SMARCD1: variants seen among roughly 807,000 people sequenced by gnomAD.
SMARCD1 encodes SWI/SNF-related matrix-associated actin-dependent regulator of chromatin subfamily D member 1.
In SMARCD1, 16 loss-of-function variants were observed where a neutral mutation model predicts 70.8. The ratio of observed to expected loss-of-function variants is 0.23; its 90% CI spans 0.15 to 0.34. SMARCD1 has a LOEUF of 0.34. Ranked by LOEUF, SMARCD1 falls within the 10% of genes least tolerant of loss-of-function variation. The pLI is 1.00. For missense variants in SMARCD1, 409 were observed against 655.5 expected (o/e 0.62, Z 4.11); for synonymous variants, 249 against 246.0 (o/e 1.01, Z -0.11).
chr12:50,086,859 C>A lies in SMARCD1; in HGVS notation c.512C>A (p.Ala171Asp), dbSNP rs1196764647. Residue 171 changes from alanine to aspartate, a missense_variant, in exon 4 of 13, where the codon GCC becomes GAC. By Grantham distance (126) the Ala-to-Asp change is moderately radical. This residue lies in a region of SMARCD1 where 269 missense variants were observed against 498.6 expected (regional missense o/e 0.54). Coordinates refer to ENST00000394963, the MANE Select transcript of SMARCD1 (RefSeq NM_003076.5). ...IMRKRLDIQE[A>D]LKRPIKQKRK... ...AGGAAACGGCTAGATATCCAAGAGG[C>A]CTTGAAACGTCCCATCAAGGTAACA... The A allele has an allele frequency of 1.9e-6, 3 of 1,614,112 alleles. No individual in the cohort carries two copies. Among genetic ancestry groups the A allele is most frequent in the Non-Finnish European group, 2.5e-6 (3 of 1,180,008 alleles).
intron 4 of SMARCD1, 111 bp from the exon 5 acceptor site, chr12:50,087,252 G>T (rs144686631): frequency 8.4e-6 from 11 of 1,311,758 alleles, no homozygotes; most frequent in Non-Finnish European, 1.2e-5. Context: ...CAAGGGACTG[G>T]GTAGACAGTA....
rs1420942255 is a variant in SMARCD1 at position 50,090,824 on chromosome 12, T to TTG, written c.1133+235_1133+236insGT. Among the ~76,000 whole-genome samples, 36 of 128,198 alleles carry TTG rather than the reference T, an allele frequency of 2.8e-4. 1 individual carries two copies. The highest frequency in any genetic ancestry group is 9.9e-4 in the African/African-American group (34 of 34,390). The allele number at this position is 128,198 out of a possible 152,430, so 84.1% of individuals were successfully genotyped here. On this transcript the variant is annotated intron_variant, in intron 9 of 12. Coordinates refer to ENST00000394963, the MANE Select transcript of SMARCD1 (RefSeq NM_003076.5). Reference sequence around the variant, plus strand: ...ATTACATTTTATTGTATTTGTGCTTTTTTTTTTTTTTTTTTTTGGAGACAG... The same window carrying TTG: ...ATTACATTTTATTGTATTTGTGCTTTTGTTTTTTTTTTTTTTTTTGGAGACAG...
intron 6 of SMARCD1, 78 bp downstream of exon 6, chr12:50,088,715 A>T: frequency 1.3e-6 from 1 of 780,676 alleles, no homozygotes; most frequent in Middle Eastern, 2.3e-4. Flanking sequence ...ATGTCTAAGG[A>T]GATGGGGAGG....
At chr12:50,098,843 T>C (rs775963936) in intron 12 of SMARCD1, 28 bp downstream of exon 12, 12 of 1,609,390 alleles carry the variant, frequency 7.5e-6, no homozygotes, top group South Asian at 2.2e-5. Flanking sequence ...ACGGGGGAAA[T>C]TGACAAAAGG....
intron 5 of SMARCD1, 99 bp from the exon 6 acceptor site, chr12:50,088,412 ATTTTTTGAGT>A (rs1384507516): frequency 1.8e-5 from 13 of 705,538 alleles, no homozygotes; most frequent in Non-Finnish European, 3.3e-5. Context: ...TTCAGAAGAT[ATTTTTTGAGT>A]TTTTTTCCAT....
Position 50,087,633 on chromosome 12 carries a change from C to G in SMARCD1, c.654+148C>G, listed in dbSNP as rs905192514. On this transcript the variant is annotated intron_variant, in intron 5 of 12. Coordinates refer to ENST00000394963, the MANE Select transcript of SMARCD1 (RefSeq NM_003076.5). ...GGACACTGTTCCCTGCACTGAAAGA[C>G]AGTGGTCCTTTGTGTTTGCCCCCAC... is the stretch of plus-strand genomic sequence containing the variant. 3 of 957,792 alleles carry G rather than the reference C, an allele frequency of 3.1e-6. No homozygotes were observed. The African/African-American group carries it at 5.0e-5, about 16-fold the overall frequency. The allele number at this position is 957,792 out of a possible 1,614,324, so 59.3% of individuals were successfully genotyped here.
intron 5 of SMARCD1, 79 bp from the exon 6 acceptor site, chr12:50,088,442 G>A (rs1950811993): frequency 1.3e-6 from 1 of 769,800 alleles, no homozygotes; most frequent in Non-Finnish European, 2.2e-6. Flanking sequence ...TTGTTGTTGG[G>A]GTTCCTTTTT....
Position 50,086,345 on chromosome 12 carries a change from A to G in SMARCD1, c.362A>G (p.His121Arg), listed in dbSNP as rs1565737763. 6.6e-7 allele frequency: 1 copy of G among 1,518,538 alleles called. No homozygotes were observed. Among genetic ancestry groups the G allele is most frequent in the Non-Finnish European group, 9.0e-7 (1 of 1,105,506 alleles). The allele number at this position is 1,518,538 out of a possible 1,614,324, so 94.1% of individuals were successfully genotyped here. The change falls in exon 2 of 13, where the codon CAC (histidine) becomes CGC (arginine). Residue 121 changes from histidine to arginine, a missense_variant. Transcript: ENST00000394963. ...VQQQAVQNRN[H>R]NAKKKKMADK... Reference sequence around the variant, plus strand: ...CAGCAGGCGGTCCAAAATCGAAACCACAAGTAAGATGATCCTGGGGCAGAG... The same window carrying G: ...CAGCAGGCGGTCCAAAATCGAAACCGCAAGTAAGATGATCCTGGGGCAGAG...
In SMARCD1 at chr12:50,086,305, A is replaced by G. The variant is rs1462225107; in HGVS notation, c.322A>G (p.Ile108Val). ...CCGCAAGAGACCTGCCCCTCAGCAGATCCAGCAGGTCCAGCAGCAGGCGGT... is the reference window on the plus strand; with the variant it reads ...CCGCAAGAGACCTGCCCCTCAGCAGGTCCAGCAGGTCCAGCAGCAGGCGGT... ...QSRKRPAPQQ[I>V]QQVQQQAVQN... Residue 108 changes from isoleucine to valine, a missense_variant, in exon 2 of 13, where the codon ATC becomes GTC. This residue lies in a region of SMARCD1 where 140 missense variants were observed against 156.9 expected (regional missense o/e 0.89). Coordinates refer to ENST00000394963, the MANE Select transcript of SMARCD1 (RefSeq NM_003076.5). 6.2e-7 allele frequency: 1 copy of G among 1,611,416 alleles called. No individual in the cohort carries two copies. Among genetic ancestry groups the G allele is most frequent in the Admixed American group, 1.7e-5 (1 of 59,602 alleles).
chr12:50,095,991 C>T (rs80071856), intron 10 of SMARCD1, among the ~76,000 whole-genome samples: 1 of 152,098 alleles, frequency 6.6e-6, no homozygotes, highest in Non-Finnish European at 1.5e-5. Context: ...ATAGAATGAT[C>T]ACTTGCAGGA....
chr12:50,096,826 T>C, intron 10 of SMARCD1, 24 bp from the exon 11 acceptor site: 2 of 1,589,096 alleles, frequency 1.3e-6, no homozygotes, highest in South Asian at 2.2e-5. Context: ...TTGAAAATGG[T>C]ATGAGCTTCG....
chr12:50,094,576 G>A lies in SMARCD1; in HGVS notation c.1269+4G>A. 1 of 1,614,006 alleles carries A rather than the reference G, an allele frequency of 6.2e-7. No individual in the cohort carries two copies. The highest frequency in any genetic ancestry group is 1.3e-5 in the African/African-American group (1 of 75,006). On this transcript the variant is annotated splice_donor_region_variant and intron_variant, in intron 10 of 12. Coordinates refer to ENST00000394963, the MANE Select transcript of SMARCD1 (RefSeq NM_003076.5). Reference sequence around the variant, plus strand: ...GATTGCTACTCTAGACAACAAGGTAGGGGTCTGTGCCCTGGATAGTTGGGT... The same window carrying A: ...GATTGCTACTCTAGACAACAAGGTAAGGGTCTGTGCCCTGGATAGTTGGGT...
intron 4 of SMARCD1, 61 bp from the exon 5 acceptor site, chr12:50,087,302 C>T (rs1026905270): frequency 3.7e-5 from 58 of 1,587,422 alleles, no homozygotes; most frequent in South Asian, 3.5e-4. Context: ...TTGGGGAGAC[C>T]GTTGTCTTCA....
chr12:50,087,268 G>A, intron 4 of SMARCD1, 95 bp from the exon 5 acceptor site: 1 of 1,466,448 alleles, frequency 6.8e-7, no homozygotes, highest in Non-Finnish European at 9.3e-7. Flanking sequence ...CAGTAAGCCA[G>A]TCTGTTAGGA....
chr12:50,097,272 C>T lies in SMARCD1; in HGVS notation c.1392+300C>T, dbSNP rs147596097. On this transcript the variant is annotated intron_variant, in intron 11 of 12. Transcript: ENST00000394963. The stretch of plus-strand genomic sequence containing the variant: ...TCTGAAGAAACTAGGCTAGTATAGC[C>T]GGGCATGGTGGCTCACACCTGTAAT... Among the ~76,000 whole-genome samples, 87 of 152,268 alleles carry T rather than the reference C, an allele frequency of 5.7e-4. 3 individuals are homozygous for T. In the East Asian group the frequency reaches 0.01, roughly 18 times the overall value.
In SMARCD1 at chr12:50,098,774, C is replaced by T; in HGVS notation, c.1453C>T (p.Pro485Ser). 1 of 1,614,126 alleles carries T rather than the reference C, an allele frequency of 6.2e-7. No individual in the cohort carries two copies. The highest frequency in any genetic ancestry group is 8.5e-7 in the Non-Finnish European group (1 of 1,179,990). Residue 485 changes from proline (P) to serine (S), a missense_variant, in exon 12 of 13, where the codon CCC (proline) becomes TCC (serine). This residue lies in a region of SMARCD1 where 269 missense variants were observed against 498.6 expected (regional missense o/e 0.54). Coordinates refer to ENST00000394963, the MANE Select transcript of SMARCD1 (RefSeq NM_003076.5). ...EERRAEFYFQ[P>S]WAQEAVCRYF... Reference sequence around the variant, plus strand: ...GCGCCGAGCTGAGTTCTACTTCCAGCCCTGGGCTCAGGAGGCTGTGTGCCG... The same window carrying T: ...GCGCCGAGCTGAGTTCTACTTCCAGTCCTGGGCTCAGGAGGCTGTGTGCCG...
Position 50,085,346 on chromosome 12 carries a change from G to T in SMARCD1, c.-24G>T. 2 of 1,261,758 alleles carry T rather than the reference G, an allele frequency of 1.6e-6. No individual in the cohort carries two copies. Among genetic ancestry groups the T allele is most frequent in the Non-Finnish European group, 2.0e-6 (2 of 1,005,348 alleles). 78.2% of individuals were successfully genotyped at this position (1,261,758 alleles called of 1,614,324 possible). A position where few individuals can be genotyped will look rare whatever the true frequency, so the allele number is the denominator to read the frequency against. Reference sequence around the variant, plus strand: ...GAGTTCCGGTTCCGGTTCTTTGTGCGGCTGCATCGGCGGCTCCGGGAAGAT... The same window carrying T: ...GAGTTCCGGTTCCGGTTCTTTGTGCTGCTGCATCGGCGGCTCCGGGAAGAT... On this transcript the variant is annotated 5_prime_UTR_variant, in exon 1 of 13. Coordinates refer to ENST00000394963, the MANE Select transcript of SMARCD1 (RefSeq NM_003076.5).
At chr12:50,092,548 C>T (rs1466508283) in intron 9 of SMARCD1, among the ~76,000 whole-genome samples, 2 of 149,214 alleles carry the variant, frequency 1.3e-5, no homozygotes, top group Non-Finnish European at 3.0e-5. Flanking sequence ...TTCTTTTGAC[C>T]CTGAACCTAC....
intron 1 of SMARCD1, 27 bp downstream of exon 1, chr12:50,085,573 C>A: frequency 1.0e-6 from 1 of 965,882 alleles, no homozygotes; most frequent in Non-Finnish European, 1.2e-6. Context: ...GAGGGGCGCG[C>A]GGGCCGGGGG....
Sources: allele counts gnomAD v4.1 joint callset (sites outside exome capture counted in the v4.1 genomes callset), GRCh38; gene constraint gnomAD v4.1.1; regional missense constraint gnomAD v4.1.1; transcripts MANE v1.5; gene names NCBI Gene and HGNC (gene_info 2026-07-23, HGNC 2026-07-21).